The following ZNF385B variants were observed in gnomAD, a reference collection of about 807,000 sequenced individuals.
The protein encoded by ZNF385B is zinc finger protein 533.
In ZNF385B, 23 loss-of-function variants were observed where a neutral mutation model predicts 39.2. The observed-to-expected ratio is 0.59, with a 90% CI of 0.42 to 0.83. The LOEUF is 0.83. Ranked by LOEUF, ZNF385B falls within the 40% of genes least tolerant of loss-of-function variation. The pLI, the probability that ZNF385B is intolerant of heterozygous loss-of-function variation, is 0.00. For synonymous variants in ZNF385B, 205 were observed against 222.6 expected (o/e 0.92, Z 0.70); for missense variants, 552 against 598.9 (o/e 0.92, Z 0.82).
At chr2:179,569,383 C>T (rs759652188) in intron 3 of ZNF385B, among the ~76,000 whole-genome samples, 5 of 152,084 alleles carry the variant, frequency 3.3e-5, no homozygotes, top group Admixed American at 2.6e-4. Flanking sequence ...TCCTGATTAC[C>T]GCCAAATAAA....
chr2:179,483,126 A>G, intron 6 of ZNF385B, 146 bp downstream of exon 6: 1 of 877,884 alleles, frequency 1.1e-6, no homozygotes, highest in Admixed American at 2.7e-5. Context: ...GTGCAAACAT[A>G]TAATCCTTCC....
chr2:179,603,264 T>C (rs1252022795), intron 3 of ZNF385B, among the ~76,000 whole-genome samples: 2 of 152,122 alleles, frequency 1.3e-5, no homozygotes, highest in Admixed American at 6.6e-5. Flanking sequence ...GTATTACCCA[T>C]CTTTATAGGG....
At chr2:179,520,567 A>T (rs947691486) in intron 4 of ZNF385B, among the ~76,000 whole-genome samples, 2 of 152,200 alleles carry the variant, frequency 1.3e-5, no homozygotes, top group Admixed American at 6.5e-5. Flanking sequence ...CAAAATAGGA[A>T]ACTATACTTT....
At chr2:179,518,172 A>C (rs2058221811) in intron 5 of ZNF385B, among the ~76,000 whole-genome samples, 1 of 152,210 alleles carries the variant, frequency 6.6e-6, no homozygotes, top group Admixed American at 6.5e-5. Context: ...GATTGCATAG[A>C]TAAATTCTTA....
At chr2:179,746,039 C>A in intron 3 of ZNF385B, 1 of 1,081,018 alleles carries the variant, frequency 9.3e-7, no homozygotes, top group Non-Finnish European at 1.1e-6. Context: ...AAACCAGAAG[C>A]ACTGTCAATG....
chr2:179,819,891 A>G (rs1707300218), intron 1 of ZNF385B, among the ~76,000 whole-genome samples: 1 of 152,176 alleles, frequency 6.6e-6, no homozygotes, highest in Non-Finnish European at 1.5e-5. Flanking sequence ...TCATATTAAC[A>G]ATTAGACATA....
chr2:179,591,377 G>A (rs1336252334), intron 3 of ZNF385B, among the ~76,000 whole-genome samples: 1 of 151,784 alleles, frequency 6.6e-6, no homozygotes, highest in Non-Finnish European at 1.5e-5. Flanking sequence ...ATACCTTATT[G>A]ACCAAGGAAA....
chr2:179,839,511 A>G (rs1268946771), intron 1 of ZNF385B, among the ~76,000 whole-genome samples: 3 of 152,250 alleles, frequency 2.0e-5, no homozygotes, highest in Non-Finnish European at 4.4e-5. Context: ...TGGACATTTC[A>G]TAATGTATCT....
chr2:179,706,974 T>C (rs1372572292), intron 3 of ZNF385B, among the ~76,000 whole-genome samples: 2 of 152,110 alleles, frequency 1.3e-5, no homozygotes, highest in African/African-American at 4.8e-5. Flanking sequence ...GACTAAATCA[T>C]CCTGGGACCC....
At chr2:179,581,508 T>C (rs55892861) in intron 3 of ZNF385B, among the ~76,000 whole-genome samples, 2,900 of 152,324 alleles carry the variant, frequency 0.019, 82 homozygotes, top group African/African-American at 0.065. Flanking sequence ...AAGTCATAGC[T>C]GGTAAAACGT....
chr2:179,752,334 T>C (rs558959587), intron 3 of ZNF385B, among the ~76,000 whole-genome samples: 7 of 152,326 alleles, frequency 4.6e-5, no homozygotes, highest in East Asian at 3.9e-4. Flanking sequence ...CAGTCTATCA[T>C]TGATGGACAT....
At chr2:179,507,364 T>C (rs2057328010) in intron 5 of ZNF385B, among the ~76,000 whole-genome samples, 1 of 152,140 alleles carries the variant, frequency 6.6e-6, no homozygotes, top group African/African-American at 2.4e-5. Flanking sequence ...TCTTCAATTC[T>C]CTCTCCTTTA....
At chr2:179,546,647 C>A (rs985433428) in intron 3 of ZNF385B, among the ~76,000 whole-genome samples, 13 of 152,064 alleles carry the variant, frequency 8.5e-5, no homozygotes, top group African/African-American at 2.9e-4. Flanking sequence ...AGTTTGCTTC[C>A]AAATCTTGGC....
In ZNF385B at chr2:179,488,817, T is replaced by C. The variant is rs560930896; in HGVS notation, c.553-5383A>G. Among the ~76,000 whole-genome samples, 11 of 152,236 alleles carry C rather than the reference T, an allele frequency of 7.2e-5. No individual in the cohort carries two copies. The South Asian group carries it at 2.3e-3, about 32-fold the overall frequency. ...ACTAAAATGCCAAATAAAACATATG[T>C]CAAATGAGCGACCATAAAACAGGCT... is the stretch of plus-strand genomic sequence containing the variant. On this transcript the variant is annotated intron_variant, in intron 5 of 9. Transcript: ENST00000410066.
chr2:179,693,981 A>C (rs1698537200), intron 3 of ZNF385B, among the ~76,000 whole-genome samples: 1 of 152,236 alleles, frequency 6.6e-6, no homozygotes, highest in South Asian at 2.1e-4. Flanking sequence ...CATCAAAAGT[A>C]TGTGACCCAA....
intron 3 of ZNF385B, among the ~76,000 whole-genome samples, chr2:179,601,328 T>C (rs189856348): frequency 6.6e-6 from 1 of 152,296 alleles, no homozygotes; most frequent in East Asian, 1.9e-4. Context: ...TGAAAATATC[T>C]CAAAGCAATA....
intron 4 of ZNF385B, among the ~76,000 whole-genome samples, chr2:179,528,469 A>G (rs2059058161): frequency 6.6e-6 from 1 of 152,220 alleles, no homozygotes; most frequent in African/African-American, 2.4e-5. Flanking sequence ...AAATAAATAC[A>G]TATGTTGTCT....
At chr2:179,565,953 G>T (rs921873867) in intron 3 of ZNF385B, among the ~76,000 whole-genome samples, 1 of 152,122 alleles carries the variant, frequency 6.6e-6, no homozygotes, top group Admixed American at 6.6e-5. Flanking sequence ...TTGTGCATGT[G>T]TCTTCTTCCC....
chr2:179,847,925 AT>A (rs1416490928), intron 1 of ZNF385B, among the ~76,000 whole-genome samples: 1 of 152,238 alleles, frequency 6.6e-6, no homozygotes, highest in African/African-American at 2.4e-5. Context: ...AAAGAAGCCT[AT>A]AACTAGAGTA....
Sources: allele counts gnomAD v4.1 joint callset (sites outside exome capture counted in the v4.1 genomes callset), GRCh38; gene constraint gnomAD v4.1.1; transcripts MANE v1.5; gene names NCBI Gene and HGNC (gene_info 2026-07-23, HGNC 2026-07-21).